Variants in SH3D19 observed in about 807,000 individuals in gnomAD.
SH3D19 encodes the protein SH3 domain containing 19.
A neutral mutation model predicts 112.1 loss-of-function variants in SH3D19; 58 were observed. The observed-to-expected ratio is 0.52, with a 90% confidence interval of 0.42 to 0.64. The LOEUF (loss-of-function observed/expected upper bound fraction) is 0.64. SH3D19 is among the 30% of genes least tolerant of loss of function. SH3D19 has a pLI of 0.00. For synonymous variants in SH3D19, 391 were observed against 448.5 expected, an observed-to-expected ratio of 0.87 and a Z score of 1.62; for missense variants, 1,090 against 1,263.4, an observed-to-expected ratio of 0.86 and a Z score of 2.08.
In SH3D19 at chr4:151,133,096, A is replaced by T; in HGVS notation, c.2627T>A (p.Ile876Asn). ...ARGEVRGRTG[I>N]FPLNFVEPVE... ...AGGCTCCACAAAGTTCAGGGGGAAAATCCCAGTTCTGCCTCGAACTTCTCC... is the reference window on the plus strand; with the variant it reads ...AGGCTCCACAAAGTTCAGGGGGAAATTCCCAGTTCTGCCTCGAACTTCTCC... Residue 876 changes from isoleucine (I) to asparagine (N), a missense_variant, in exon 16 of 20, where the codon ATT becomes AAT. By Grantham distance (149) the Ile-to-Asn change is moderately radical. Transcript: ENST00000604030. The T allele has an allele frequency of 6.2e-7, 1 of 1,614,138 alleles. No individual in the cohort carries two copies. Among genetic ancestry groups the T allele is most frequent in the South Asian group, 1.1e-5 (1 of 91,088 alleles).
intron 3 of SH3D19, among the ~76,000 whole-genome samples, chr4:151,180,701 C>T (rs528834803): frequency 5.5e-4 from 82 of 150,004 alleles, no homozygotes; most frequent in Middle Eastern, 7.5e-3. Context: ...CCACTGCGCC[C>T]GACACATATG....
Position 151,237,829 on chromosome 4 carries a change from T to C in SH3D19, c.113-11743A>G, listed in dbSNP as rs528160605. On this transcript the variant is annotated intron_variant, in intron 1 of 19. Transcript: ENST00000604030. Reference sequence around the variant, plus strand: ...CCTTTGTCGAACAGGGATTTCTTAATCTGCAGGATTTTTCTTTTTTATTAC... The same window carrying C: ...CCTTTGTCGAACAGGGATTTCTTAACCTGCAGGATTTTTCTTTTTTATTAC... 2.0e-5 allele frequency among the ~76,000 whole-genome samples: 3 copies of C among 152,310 alleles called. No individual in the cohort carries two copies. In the South Asian group the frequency reaches 6.2e-4, roughly 32 times the overall value.
intron 8 of SH3D19, among the ~76,000 whole-genome samples, chr4:151,162,795 G>A (rs1394556069): frequency 6.6e-6 from 1 of 151,982 alleles, no homozygotes; most frequent in African/African-American, 2.4e-5. Context: ...GGCTGATCTT[G>A]AACTCCTGAC....
chr4:151,250,146 A>G (rs1561400239), intron 1 of SH3D19, among the ~76,000 whole-genome samples: 1 of 152,216 alleles, frequency 6.6e-6, no homozygotes, highest in Non-Finnish European at 1.5e-5. Context: ...CTTCCACATC[A>G]AACAATTGCA....
chr4:151,181,518 C>T (rs1018940135), intron 3 of SH3D19, among the ~76,000 whole-genome samples: 2 of 152,110 alleles, frequency 1.3e-5, no homozygotes, highest in Non-Finnish European at 2.9e-5. Flanking sequence ...AGAGCTAAAC[C>T]AAGCTGACAG....
intron 1 of SH3D19, among the ~76,000 whole-genome samples, chr4:151,278,566 GT>G (rs1773877052): frequency 6.6e-6 from 1 of 152,026 alleles, no homozygotes; most frequent in South Asian, 2.1e-4. Context: ...CTTATCTCTG[GT>G]CATCCCTAGT....
At chr4:151,270,932 CT>C (rs754135914) in intron 1 of SH3D19, among the ~76,000 whole-genome samples, 1 of 151,868 alleles carries the variant, frequency 6.6e-6, no homozygotes, top group African/African-American at 2.4e-5. Context: ...GTCAATTATT[CT>C]TTTTTTTGAG....
rs1759708058 is a variant in SH3D19 at position 151,174,949 on chromosome 4, C to G, written c.1255G>C (p.Ala419Pro). The change falls in exon 7 of 20, where the codon GCC (alanine) becomes CCC (proline). Residue 419 changes from alanine (A) to proline (P), a missense_variant. Physicochemically the swap from Ala to Pro is conservative, Grantham distance 27 (BLOSUM62 -1). Coordinates refer to ENST00000604030, the MANE Select transcript of SH3D19 (RefSeq NM_001378122.1). ...SDSGKKVPTP[A>P]PRPLLLKKSV... ...TTCTTCAGCAGCAAAGGCCGCGGGGCAGGAGTTGGCACTTTCTTCCCACTA... is the reference window on the plus strand; with the variant it reads ...TTCTTCAGCAGCAAAGGCCGCGGGGGAGGAGTTGGCACTTTCTTCCCACTA... 1 of 1,613,978 alleles carries G rather than the reference C, an allele frequency of 6.2e-7. No homozygotes were observed. The highest frequency in any genetic ancestry group is 1.3e-5 in the African/African-American group (1 of 74,928).
chr4:151,211,166 A>T (rs1765907444), intron 2 of SH3D19, among the ~76,000 whole-genome samples: 1 of 151,974 alleles, frequency 6.6e-6, no homozygotes. Context: ...GCTACTCGAG[A>T]GGCTGAGGCA....
At chr4:151,244,167 T>A (rs1468665755) in intron 1 of SH3D19, among the ~76,000 whole-genome samples, 1 of 152,056 alleles carries the variant, frequency 6.6e-6, no homozygotes, top group African/African-American at 2.4e-5. Flanking sequence ...ACAGACATCT[T>A]ACTGTAATAC....
intron 2 of SH3D19, among the ~76,000 whole-genome samples, chr4:151,206,973 T>A (rs1329568032): frequency 6.6e-6 from 1 of 152,222 alleles, no homozygotes; most frequent in African/African-American, 2.4e-5. Context: ...CAAATCTAAA[T>A]AATTTTAAAC....
chr4:151,210,304 T>C (rs1171546907), intron 2 of SH3D19, among the ~76,000 whole-genome samples: 4 of 152,170 alleles, frequency 2.6e-5, no homozygotes, highest in African/African-American at 4.8e-5. Flanking sequence ...TAGAAAAAGT[T>C]TGGTATACTA....
chr4:151,218,534 T>C (rs1373764169), intron 2 of SH3D19, among the ~76,000 whole-genome samples: 2 of 152,024 alleles, frequency 1.3e-5, no homozygotes, highest in East Asian at 3.9e-4. Flanking sequence ...CACCGTAGCC[T>C]CCCAAGCAGC....
chr4:151,173,607 C>T (rs1759428609), intron 7 of SH3D19, among the ~76,000 whole-genome samples: 1 of 152,198 alleles, frequency 6.6e-6, no homozygotes, highest in Non-Finnish European at 1.5e-5. Context: ...TTTCCTTCCA[C>T]CCTTTATGGA....
chr4:151,244,308 G>A (rs533669813), intron 1 of SH3D19, among the ~76,000 whole-genome samples: 82 of 152,272 alleles, frequency 5.4e-4, no homozygotes, highest in African/African-American at 1.9e-3. Context: ...CTTAGTATAT[G>A]AATTTGGAGA....
At chr4:151,263,491 C>A (rs1231246999) in intron 1 of SH3D19, among the ~76,000 whole-genome samples, 2 of 152,178 alleles carry the variant, frequency 1.3e-5, no homozygotes, top group Admixed American at 1.3e-4. Context: ...AACAAATAAC[C>A]CCAACACTCA....
chr4:151,234,615 T>G, intron 1 of SH3D19, among the ~76,000 whole-genome samples: 1 of 152,072 alleles, frequency 6.6e-6, no homozygotes, highest in East Asian at 1.9e-4. Flanking sequence ...CAAGCAAAAT[T>G]TGTGATTTAA....
intron 9 of SH3D19, 70 bp from the exon 10 acceptor site, chr4:151,149,631 G>C (rs762152266): frequency 7.0e-7 from 1 of 1,426,454 alleles, no homozygotes; most frequent in African/African-American, 1.4e-5. Flanking sequence ...AGAAATTCTA[G>C]GCAACCTTTT....
intron 2 of SH3D19, among the ~76,000 whole-genome samples, chr4:151,193,088 T>G (rs566127304): frequency 2.6e-5 from 4 of 152,180 alleles, no homozygotes; most frequent in South Asian, 2.1e-4. Flanking sequence ...ATTCTACTCA[T>G]AGAGAGAAAG....
Sources: gnomAD v4.1 joint callset for allele counts (sites outside exome capture counted in the v4.1 genomes callset) on GRCh38, gnomAD v4.1.1 for gene constraint, MANE v1.5 for transcripts, NCBI Gene and HGNC (gene_info 2026-07-23, HGNC 2026-07-21) for gene names.